The following BTNL8 variants were observed in gnomAD, a reference collection of about 807,000 sequenced individuals.
The protein encoded by BTNL8 is butyrophilin like 8, also known as butyrophilin-like protein 8.
BTNL8 carries 22 observed loss-of-function variants against 36.1 expected under a neutral mutation model. The observed-to-expected ratio is 0.61, with a 90% confidence interval of 0.44 to 0.87. The LOEUF (loss-of-function observed/expected upper bound fraction) is 0.87, where lower values mean the gene tolerates loss of function less well. Ranked by LOEUF, BTNL8 falls within the 40% of genes least tolerant of loss-of-function variation. The pLI is 0.00. For missense variants in BTNL8, 526 were observed against 616.9 expected (o/e 0.85, Z 1.56); for synonymous variants, 203 against 235.6 (o/e 0.86, Z 1.27).
intron 3 of BTNL8, among the ~76,000 whole-genome samples, chr5:180,922,263 A>T (rs896549863): frequency 6.6e-6 from 1 of 151,688 alleles, no homozygotes; most frequent in African/African-American, 2.4e-5. Context: ...TTGGTTCTCT[A>T]GTTCTTTTAG....
At chr5:180,915,234 C>T (rs779399426) in intron 3 of BTNL8, among the ~76,000 whole-genome samples, 5 of 152,244 alleles carry the variant, frequency 3.3e-5, no homozygotes, top group Non-Finnish European at 5.9e-5. Flanking sequence ...CCTCCACACA[C>T]CACCCCTGTG....
At position 180,950,690 on chromosome 5, in the gene BTNL8, C is replaced by A; in HGVS notation, c.*146C>A. On this transcript the variant is annotated 3_prime_UTR_variant, in exon 8 of 8. Transcript: ENST00000340184. ...AGTCAGGTGTCATGGCTGCCCTGAG[C>A]TGGGAGGGAAGAAGGCTGACATTAC... 1 of 844,158 alleles carries A rather than the reference C, an allele frequency of 1.2e-6. No homozygotes were observed. The highest frequency in any genetic ancestry group is 1.8e-6 in the Non-Finnish European group (1 of 564,982). The allele number at this position is 844,158 out of a possible 1,614,324, so 52.3% of individuals were successfully genotyped here. A position where few individuals can be genotyped will look rare whatever the true frequency, so the allele number is the denominator to read the frequency against.
Position 180,911,513 on chromosome 5 carries a change from T to C in BTNL8, c.572T>C (p.Val191Ala), listed in dbSNP as rs554947046. Reference protein sequence around the residue: ...TNRDMHGLFDVEISLTVQENA... With the variant: ...TNRDMHGLFDAEISLTVQENA... ...AGAGACATGCATGGCCTGTTTGATG[T>C]GGAGATCTCTCTGACCGTCCAAGAG... Residue 191 changes from valine to alanine, a missense_variant, in exon 3 of 8, where the codon GTG (valine) becomes GCG (alanine). Transcript: ENST00000340184. 6.5e-5 allele frequency: 105 copies of C among 1,614,158 alleles called. No individual in the cohort carries two copies. The South Asian group carries it at 9.4e-4, about 15-fold the overall frequency.
At chr5:180,912,637 G>A (rs2113787043) in intron 3 of BTNL8, among the ~76,000 whole-genome samples, 1 of 152,232 alleles carries the variant, frequency 6.6e-6, no homozygotes, top group South Asian at 2.1e-4. Flanking sequence ...GCTGAGGTGG[G>A]AGGATCACTT....
intron 3 of BTNL8, among the ~76,000 whole-genome samples, chr5:180,919,090 T>C (rs1238216173): frequency 6.6e-6 from 1 of 152,252 alleles, no homozygotes; most frequent in Non-Finnish European, 1.5e-5. Flanking sequence ...TGCCAGGCTA[T>C]TTCAAAATAT....
intron 3 of BTNL8, among the ~76,000 whole-genome samples, chr5:180,917,402 T>C (rs377286881): frequency 2.7e-5 from 1 of 36,392 alleles, no homozygotes; most frequent in African/African-American, 1.7e-4. Flanking sequence ...GCCAACAAAC[T>C]GGATAACCTA....
At chr5:180,941,796 C>T (rs1403313025) in intron 3 of BTNL8, among the ~76,000 whole-genome samples, 2 of 151,766 alleles carry the variant, frequency 1.3e-5, no homozygotes, top group Non-Finnish European at 2.9e-5. Flanking sequence ...AAATGTACCT[C>T]AACACAATCA....
Position 180,927,874 on chromosome 5 carries a change from T to C in BTNL8, c.673+16260T>C, listed in dbSNP as rs192537442. Among the ~76,000 whole-genome samples the C allele has an allele frequency of 4.1e-3, 629 of 152,246 alleles. 7 individuals carry two copies. Among genetic ancestry groups the C allele is most frequent in the African/African-American group, 0.015 (604 of 41,546 alleles). ...TACGTTTGATTGCTATACATGAAAG[T>C]GACGGGGAGAATGGAACCAAGTTGG... is the stretch of plus-strand genomic sequence containing the variant. On this transcript the variant is annotated intron_variant, in intron 3 of 7. Coordinates refer to ENST00000340184, the MANE Select transcript of BTNL8 (RefSeq NM_001040462.3).
intron 3 of BTNL8, among the ~76,000 whole-genome samples, chr5:180,916,689 T>C (rs2113795960): frequency 6.6e-6 from 1 of 152,320 alleles, no homozygotes. Context: ...ACTATCGTAG[T>C]TCTCCCTTAT....
At chr5:180,904,130 C>G (rs1479640462) in intron 1 of BTNL8, among the ~76,000 whole-genome samples, 10 of 136,998 alleles carry the variant, frequency 7.3e-5, no homozygotes, top group African/African-American at 3.0e-4. Context: ...TGGCCATTTT[C>G]ACGATATTGA....
At position 180,950,266 on chromosome 5, in the gene BTNL8, G is replaced by T. The variant is rs779327087; in HGVS notation, c.1225G>T (p.Val409Phe). 2 of 1,463,646 alleles carry T rather than the reference G, an allele frequency of 1.4e-6. No homozygotes were observed. Among genetic ancestry groups the T allele is most frequent in the South Asian group, 2.2e-5 (2 of 89,266 alleles). The allele number at this position is 1,463,646 out of a possible 1,614,324, so 90.7% of individuals were successfully genotyped here. A position where few individuals can be genotyped will look rare whatever the true frequency, so the allele number is the denominator to read the frequency against. The change falls in exon 8 of 8, where the codon GTC becomes TTC. Residue 409 changes from valine to phenylalanine, a missense_variant. Val to Phe is a conservative substitution (Grantham distance 50). Transcript: ENST00000340184. ...CAGGACCCCACCTACAAAAATAGGG[G>T]TCTTCCTGGACTATGAGTGTGGGAC... ...FPRTPPTKIG[V>F]FLDYECGTIS...
chr5:180,901,733 G>C (rs569453444), intron 1 of BTNL8, among the ~76,000 whole-genome samples: 1 of 152,194 alleles, frequency 6.6e-6, no homozygotes, highest in Non-Finnish European at 1.5e-5. Context: ...CATGTACCAA[G>C]AATTTTTTTT....
chr5:180,925,923 G>GT (rs1758074738), intron 3 of BTNL8, among the ~76,000 whole-genome samples: 1 of 152,154 alleles, frequency 6.6e-6, no homozygotes, highest in Non-Finnish European at 1.5e-5. Flanking sequence ...AAAGTGTAGA[G>GT]TTTTTGTATG....
chr5:180,929,732 T>C (rs1374910365), intron 3 of BTNL8, among the ~76,000 whole-genome samples: 3 of 152,202 alleles, frequency 2.0e-5, no homozygotes, highest in African/African-American at 7.2e-5. Context: ...GATAAATTCC[T>C]GGACACATAC....
At position 180,949,482 on chromosome 5, in the gene BTNL8, C is replaced by T. The variant is rs576189741; in HGVS notation, c.862+217C>T. On this transcript the variant is annotated intron_variant, in intron 7 of 7. Coordinates refer to ENST00000340184, the MANE Select transcript of BTNL8 (RefSeq NM_001040462.3). ...GGGGAGAAGACAGGGGCTGGGTAAA[C>T]GGGAGACGGGGGGGTCTTTGGCACA... 53 of 736,936 alleles carry T rather than the reference C, an allele frequency of 7.2e-5. 6 individuals carry two copies. Among genetic ancestry groups the T allele is most frequent in the African/African-American group, 5.8e-4 (27 of 46,350 alleles). 45.6% of individuals were successfully genotyped at this position (736,936 alleles called of 1,614,324 possible).
At position 180,899,387 on chromosome 5, in the gene BTNL8, C is replaced by T. The variant is rs142738070; in HGVS notation, c.49+28C>T. On this transcript the variant is annotated intron_variant, in intron 1 of 7. Coordinates refer to ENST00000340184, the MANE Select transcript of BTNL8 (RefSeq NM_001040462.3). ...AAGACTCATCTTTGTTTCCTCCTTA[C>T]TAACTAACAGTTTGAGTTCTTTAGC... The T allele has an allele frequency of 4.6e-5, 73 of 1,599,772 alleles. No individual in the cohort carries two copies. The African/African-American group carries it at 8.2e-4, about 18-fold the overall frequency.
Position 180,899,174 on chromosome 5 carries a change from G to A in BTNL8, c.-137G>A. The A allele has an allele frequency of 1.1e-6, 1 of 937,810 alleles. No homozygotes were observed. The highest frequency in any genetic ancestry group is 1.7e-6 in the Non-Finnish European group (1 of 590,724). 58.1% of individuals were successfully genotyped at this position (937,810 alleles called of 1,614,324 possible). A position where few individuals can be genotyped will look rare whatever the true frequency, so the allele number is the denominator to read the frequency against. ...GTAGACTCTCAGAACAGCGCAGTTTGCCCTCCGCTCACGCAGAGCCTCTCC... is the reference window on the plus strand; with the variant it reads ...GTAGACTCTCAGAACAGCGCAGTTTACCCTCCGCTCACGCAGAGCCTCTCC... On this transcript the variant is annotated 5_prime_UTR_variant, in exon 1 of 8. Coordinates refer to ENST00000340184, the MANE Select transcript of BTNL8 (RefSeq NM_001040462.3).
Position 180,918,732 on chromosome 5 carries a change from G to C in BTNL8, c.673+7118G>C, listed in dbSNP as rs146577379. ...AATCAATATATGTAAGGTGTACACT[G>C]GTTTGGTCTAGAAAGGCAGGACAAC... On this transcript the variant is annotated intron_variant, in intron 3 of 7. Coordinates refer to ENST00000340184, the MANE Select transcript of BTNL8 (RefSeq NM_001040462.3). Among the ~76,000 whole-genome samples, 388 of 152,278 alleles carry C rather than the reference G, an allele frequency of 2.5e-3. 2 individuals are homozygous for C. The highest frequency in any genetic ancestry group is 9.1e-3 in the African/African-American group (377 of 41,550).
chr5:180,949,380 C>T lies in BTNL8; in HGVS notation c.862+115C>T. Reference sequence around the variant, plus strand: ...GTGATGCTGAGACCCATCCTGCCTGCAGATGGAGAAACTGGATGCTTGATC... The same window carrying T: ...GTGATGCTGAGACCCATCCTGCCTGTAGATGGAGAAACTGGATGCTTGATC... On this transcript the variant is annotated intron_variant, in intron 7 of 7. Coordinates refer to ENST00000340184, the MANE Select transcript of BTNL8 (RefSeq NM_001040462.3). 4 of 1,371,424 alleles carry T rather than the reference C, an allele frequency of 2.9e-6. 1 individual carries two copies. Among genetic ancestry groups the T allele is most frequent in the Non-Finnish European group, 4.0e-6 (4 of 988,868 alleles). 85.0% of individuals were successfully genotyped at this position (1,371,424 alleles called of 1,614,324 possible).
Sources: gnomAD v4.1 joint callset for allele counts (sites outside exome capture counted in the v4.1 genomes callset) on GRCh38, gnomAD v4.1.1 for gene constraint, MANE v1.5 for transcripts, NCBI Gene and HGNC (gene_info 2026-07-23, HGNC 2026-07-21) for gene names.